The following SNX29 variants were observed in gnomAD, a reference collection of about 807,000 sequenced individuals.
SNX29 encodes the protein sorting nexin 29.
SNX29 carries 78 observed loss-of-function variants against 102.1 expected under a neutral mutation model. The observed-to-expected ratio is 0.76, with a 90% CI of 0.64 to 0.92. The LOEUF is 0.92. SNX29 is among the 40% of genes least tolerant of loss of function. SNX29 has a pLI of 0.00. For synonymous variants in SNX29, 580 were observed against 414.5 expected (o/e 1.40, Z -4.85); for missense variants, 1,280 against 1,061.7 (o/e 1.21, Z -2.86).
At chr16:12,267,279 G>A (rs1567376485) in intron 14 of SNX29, among the ~76,000 whole-genome samples, 1 of 150,094 alleles carries the variant, frequency 6.7e-6, no homozygotes, top group African/African-American at 2.5e-5. Context: ...GCATGCAGGG[G>A]AGTAGGCTCC....
intron 18 of SNX29, among the ~76,000 whole-genome samples, chr16:12,407,229 A>ACTCTCTTACCTCTCATGTCC (rs2084201903): frequency 1.3e-5 from 2 of 151,784 alleles, no homozygotes. Flanking sequence ...TCTCTGTGTC[A>ACTCTCTTACCTCTCATGTCC]CTCTCTTACC....
intron 14 of SNX29, among the ~76,000 whole-genome samples, chr16:12,246,284 C>T (rs1449157709): frequency 6.6e-6 from 1 of 151,874 alleles, no homozygotes; most frequent in Non-Finnish European, 1.5e-5. Context: ...CTGGGTGGGT[C>T]ACAGTTGGGA....
chr16:12,380,653 TC>T (rs2083061718), intron 16 of SNX29, among the ~76,000 whole-genome samples: 1 of 46,962 alleles, frequency 2.1e-5, no homozygotes, highest in Non-Finnish European at 3.6e-5. Context: ...CCACCCACCA[TC>T]CATCCACCCA....
intron 3 of SNX29, among the ~76,000 whole-genome samples, chr16:12,023,303 A>G (rs561101315): frequency 5.3e-4 from 80 of 152,006 alleles, no homozygotes; most frequent in African/African-American, 1.9e-3. Flanking sequence ...TTGGTGTGAT[A>G]AAATGGCAAG....
chr16:12,355,498 C>T (rs1481151228), intron 15 of SNX29, among the ~76,000 whole-genome samples: 1 of 152,166 alleles, frequency 6.6e-6, no homozygotes, highest in Non-Finnish European at 1.5e-5. Context: ...ATCTGCCTGA[C>T]CTCGCATTCT....
chr16:12,075,159 C>G (rs1044250021), intron 10 of SNX29, among the ~76,000 whole-genome samples: 1 of 152,240 alleles, frequency 6.6e-6, no homozygotes, highest in South Asian at 2.1e-4. Context: ...CTTCTTCTCT[C>G]AACTCGTCAA....
chr16:12,303,685 C>T (rs1416612318), intron 15 of SNX29, among the ~76,000 whole-genome samples: 8 of 152,194 alleles, frequency 5.3e-5, no homozygotes, highest in Admixed American at 3.9e-4. Context: ...AGGTGGTACA[C>T]AGGTATATGT....
At chr16:12,364,468 C>G (rs2082403592) in intron 16 of SNX29, among the ~76,000 whole-genome samples, 1 of 149,262 alleles carries the variant, frequency 6.7e-6, no homozygotes, top group South Asian at 2.1e-4. Context: ...TATGTTTTTC[C>G]CCTTTGGTAT....
chr16:12,052,059 A>G lies in SNX29; in HGVS notation c.961A>G (p.Ser321Gly), dbSNP rs1402238161. Residue 321 changes from serine (S) to glycine (G), a missense_variant, in exon 8 of 21, where the codon AGC becomes GGC. Transcript: ENST00000566228. ...FGPNSNGSQS[S>G]NSWKIDSLSL... ...GCCTAACTCCAATGGAAGTCAGAGC[A>G]GCAACTCATGGAAAATTGATTCCCT... 1.2e-6 allele frequency: 2 copies of G among 1,614,014 alleles called. No homozygotes were observed.
chr16:12,315,404 A>G (rs567611229), intron 15 of SNX29, among the ~76,000 whole-genome samples: 1 of 152,356 alleles, frequency 6.6e-6, no homozygotes, highest in African/African-American at 2.4e-5. Context: ...GAAAGCAGCC[A>G]GAGATGCTAT....
chr16:12,125,606 T>TC (rs1491567746), intron 11 of SNX29, among the ~76,000 whole-genome samples: 4,159 of 19,056 alleles, frequency 0.22, 580 homozygotes, highest in East Asian at 0.33. Context: ...GAGATCTCTC[T>TC]TTTTTTTTTT....
intron 10 of SNX29, among the ~76,000 whole-genome samples, chr16:12,078,056 C>G (rs540910451): frequency 2.0e-5 from 3 of 152,302 alleles, no homozygotes; most frequent in Admixed American, 2.0e-4. Flanking sequence ...TAAGCCATGC[C>G]TGAATGAAGC....
chr16:12,282,489 A>G (rs1347800234), intron 15 of SNX29, among the ~76,000 whole-genome samples: 1 of 152,176 alleles, frequency 6.6e-6, no homozygotes, highest in Non-Finnish European at 1.5e-5. Context: ...TTGTATCTTC[A>G]TTGCCCAACC....
At chr16:12,562,189 G>A (rs909792739) in intron 20 of SNX29, among the ~76,000 whole-genome samples, 2 of 152,132 alleles carry the variant, frequency 1.3e-5, no homozygotes. Flanking sequence ...TGAGCATAGG[G>A]TTCACAGAGG....
chr16:12,311,436 C>A (rs545642694), intron 15 of SNX29, among the ~76,000 whole-genome samples: 1 of 152,358 alleles, frequency 6.6e-6, no homozygotes, highest in South Asian at 2.1e-4. Context: ...CACCCTCCTC[C>A]GTCCTCCTTT....
chr16:12,273,273 AT>A (rs1175384036), intron 14 of SNX29, among the ~76,000 whole-genome samples: 1 of 151,682 alleles, frequency 6.6e-6, no homozygotes, highest in Non-Finnish European at 1.5e-5. Context: ...CTTTCTTGAG[AT>A]ATAATGCACA....
chr16:12,540,770 T>TAGAGTGTCAGGTGCTTGAGGACTGCTCA (rs2077298011), intron 20 of SNX29, among the ~76,000 whole-genome samples: 1 of 152,168 alleles, frequency 6.6e-6, no homozygotes. Context: ...CCACCTCCCC[T>TAGAGTGTCAGGTGCTTGAGGACTGCTCA]AGAGTGTCAG....
chr16:12,550,648 C>A (rs901910843), intron 20 of SNX29, among the ~76,000 whole-genome samples: 1 of 152,036 alleles, frequency 6.6e-6, no homozygotes, highest in African/African-American at 2.4e-5. Context: ...AAGTAACCGT[C>A]ACTTAGTGGA....
intron 14 of SNX29, among the ~76,000 whole-genome samples, chr16:12,275,845 C>T (rs1000089318): frequency 1.3e-5 from 2 of 148,718 alleles, no homozygotes; most frequent in African/African-American, 5.0e-5. Flanking sequence ...GGGTACTTAC[C>T]ATATTCATCA....
Sources: allele counts gnomAD v4.1 joint callset (sites outside exome capture counted in the v4.1 genomes callset), GRCh38; gene constraint gnomAD v4.1.1; transcripts MANE v1.5; gene names NCBI Gene and HGNC (gene_info 2026-07-23, HGNC 2026-07-21).